The following TSPAN3 variants were observed in gnomAD, a reference collection of about 807,000 sequenced individuals.
TSPAN3 encodes the protein tetraspanin 3, also known as tetraspanin-3.
A neutral mutation model predicts 31.1 loss-of-function variants in TSPAN3; 9 were observed. The observed-to-expected ratio is 0.29, with a 90% CI of 0.17 to 0.50. TSPAN3 has a LOEUF of 0.50. Ranked by LOEUF, TSPAN3 falls within the 20% of genes least tolerant of loss-of-function variation. The pLI, the probability that TSPAN3 is intolerant of heterozygous loss-of-function variation, is 0.98. For missense variants in TSPAN3, 252 were observed against 313.5 expected (o/e 0.80, Z 1.48); for synonymous variants, 129 against 114.3 (o/e 1.13, Z -0.82).
chr15:77,046,536 A>G lies in TSPAN3; in HGVS notation c.*299T>C. 2.2e-6 allele frequency: 1 copy of G among 456,148 alleles called. No individual in the cohort carries two copies. The highest frequency in any genetic ancestry group is 3.2e-5 in the East Asian group (1 of 30,982). The allele number at this position is 456,148 out of a possible 1,614,324, so 28.3% of individuals were successfully genotyped here. On this transcript the variant is annotated 3_prime_UTR_variant, in exon 7 of 7. Coordinates refer to ENST00000267970, the MANE Select transcript of TSPAN3 (RefSeq NM_005724.6). ...CCTGTTACCACTTGGAGGTAACAGA[A>G]GCAGGCTCGTGTCCTCCTTTAATTC...
chr15:77,057,908 G>A (rs946406400), intron 1 of TSPAN3, among the ~76,000 whole-genome samples: 2 of 152,028 alleles, frequency 1.3e-5, no homozygotes, highest in African/African-American at 4.8e-5. Flanking sequence ...AACCCTTTCT[G>A]CCTTCCTGCC....
rs370489099 is a variant in TSPAN3, at chr15:77,056,259, T to C, written c.64-4A>G. On this transcript the variant is annotated splice_polypyrimidine_tract_variant and splice_region_variant and intron_variant, in intron 1 of 6. Coordinates refer to ENST00000267970, the MANE Select transcript of TSPAN3 (RefSeq NM_005724.6). ...AGCATAAAATGCCAGCTGCCCCCTGTAGAAAACAAAGTCAGTACTGGTCTC... is the reference window on the plus strand; with the variant it reads ...AGCATAAAATGCCAGCTGCCCCCTGCAGAAAACAAAGTCAGTACTGGTCTC... 1.3e-6 allele frequency: 2 copies of C among 1,590,580 alleles called. No homozygotes were observed. The highest frequency in any genetic ancestry group is 1.4e-5 in the African/African-American group (1 of 73,582).
In TSPAN3 at chr15:77,044,202, A is replaced by AAG. The variant is rs1045819184; in HGVS notation, c.*2631_*2632dup. Reference sequence around the variant, plus strand: ...GGGACCCAGGCATCTGTAGTTCTCAAAGTGCCCCGGTGCTTCCAATGTGCA... The same window carrying AAG: ...GGGACCCAGGCATCTGTAGTTCTCAAAGAGTGCCCCGGTGCTTCCAATGTGCA... On this transcript the variant is annotated 3_prime_UTR_variant, in exon 7 of 7. Transcript: ENST00000267970. The AAG allele has an allele frequency of 3.9e-5, 6 of 152,212 alleles. No individual in the cohort carries two copies. The highest frequency in any genetic ancestry group is 1.4e-4 in the African/African-American group (6 of 41,440). The allele number at this position is 152,212 out of a possible 1,614,324, so 9.4% of individuals were successfully genotyped here.
rs1008360408 is a variant in TSPAN3 at position 77,041,995 on chromosome 15, C to A, written c.*4840G>T. The A allele has an allele frequency of 6.6e-6, 1 of 152,210 alleles. No individual in the cohort carries two copies. 9.4% of individuals were successfully genotyped at this position (152,210 alleles called of 1,614,324 possible). A position where few individuals can be genotyped will look rare whatever the true frequency, so the allele number is the denominator to read the frequency against. ...GCAGCCTGCAGGCCTGCCCTTTATACACCTTGGTTAATCATGGTACTAATG... is the reference window on the plus strand; with the variant it reads ...GCAGCCTGCAGGCCTGCCCTTTATAAACCTTGGTTAATCATGGTACTAATG... On this transcript the variant is annotated 3_prime_UTR_variant, in exon 7 of 7. Transcript: ENST00000267970.
intron 6 of TSPAN3, among the ~76,000 whole-genome samples, chr15:77,050,399 A>C (rs2076722849): frequency 1.3e-5 from 2 of 152,230 alleles, no homozygotes; most frequent in Admixed American, 1.3e-4. Context: ...TACTTAAGTC[A>C]GGGTGACTTA....
chr15:77,066,679 T>G (rs1214881246), intron 1 of TSPAN3, among the ~76,000 whole-genome samples: 2 of 150,792 alleles, frequency 1.3e-5, no homozygotes, highest in Non-Finnish European at 2.9e-5. Context: ...ATGAATACAC[T>G]TATATTTAAA....
chr15:77,064,084 C>T (rs540627972), intron 1 of TSPAN3: 1 of 152,180 alleles, frequency 6.6e-6, no homozygotes, highest in Non-Finnish European at 1.5e-5. Context: ...TAGTAGATTA[C>T]AAACTACACA....
At chr15:77,052,554 G>A (rs2076739109) in intron 5 of TSPAN3, 86 bp from the exon 6 acceptor site, 3 of 1,335,332 alleles carry the variant, frequency 2.2e-6, no homozygotes, top group Non-Finnish European at 3.2e-6. Context: ...CTTACAGAAA[G>A]GAAAATGACA....
At position 77,042,373 on chromosome 15, in the gene TSPAN3, C is replaced by T. The variant is rs2076664896; in HGVS notation, c.*4462G>A. ...ACAAGAAGCAAAGACACCCCAGCTG[C>T]AATAAGCACACCTAGTGCCAGGGAC... On this transcript the variant is annotated 3_prime_UTR_variant, in exon 7 of 7. Coordinates refer to ENST00000267970, the MANE Select transcript of TSPAN3 (RefSeq NM_005724.6). 6.6e-6 allele frequency: 1 copy of T among 152,214 alleles called. No individual in the cohort carries two copies. The highest frequency in any genetic ancestry group is 2.4e-5 in the African/African-American group (1 of 41,446). The allele number at this position is 152,214 out of a possible 1,614,324, so 9.4% of individuals were successfully genotyped here. A position where few individuals can be genotyped will look rare whatever the true frequency, so the allele number is the denominator to read the frequency against.
intron 6 of TSPAN3, among the ~76,000 whole-genome samples, chr15:77,052,027 G>T (rs1199809671): frequency 6.6e-6 from 1 of 152,142 alleles, no homozygotes; most frequent in East Asian, 1.9e-4. Context: ...CTGAAAGAAA[G>T]AAGTACAATT....
In TSPAN3 at chr15:77,042,327, G is replaced by C. The variant is rs992267751; in HGVS notation, c.*4508C>G. 3.9e-5 allele frequency: 6 copies of C among 152,176 alleles called. No individual in the cohort carries two copies. The highest frequency in any genetic ancestry group is 1.2e-4 in the African/African-American group (5 of 41,434). The allele number at this position is 152,176 out of a possible 1,614,324, so 9.4% of individuals were successfully genotyped here. ...ACACTTAAAAAAGGCAGTAAGACAA[G>C]CTCTGTCAATCATCTATAGGACAAG... On this transcript the variant is annotated 3_prime_UTR_variant, in exon 7 of 7. Transcript: ENST00000267970.
chr15:77,052,883 T>C lies in TSPAN3; in HGVS notation c.479A>G (p.Asp160Gly). Residue 160 changes from aspartate to glycine, a missense_variant, in exon 5 of 7, where the codon GAT becomes GGT. By Grantham distance (94) the Asp-to-Gly change is moderately conservative. Coordinates refer to ENST00000267970, the MANE Select transcript of TSPAN3 (RefSeq NM_005724.6). ...IHNYSDWENTDWFKETKNQSV... is the reference protein window; with the variant it reads ...IHNYSDWENTGWFKETKNQSV... Reference sequence around the variant, plus strand: ...CTGGTTTTTGGTTTCTTTGAACCAATCTGTATTTTCCCAGTCTGAGTAGTT... The same window carrying C: ...CTGGTTTTTGGTTTCTTTGAACCAACCTGTATTTTCCCAGTCTGAGTAGTT... 6.2e-7 allele frequency: 1 copy of C among 1,614,096 alleles called. No homozygotes were observed. The highest frequency in any genetic ancestry group is 8.5e-7 in the Non-Finnish European group (1 of 1,179,956).
chr15:77,047,229 G>A (rs912384411), intron 6 of TSPAN3, among the ~76,000 whole-genome samples: 3 of 152,192 alleles, frequency 2.0e-5, no homozygotes, highest in African/African-American at 7.2e-5. Flanking sequence ...CTGCAGCGAT[G>A]GAGACATACC....
At position 77,052,472 on chromosome 15, in the gene TSPAN3, T is replaced by C. The variant is rs1417281529; in HGVS notation, c.586-4A>G. 1.1e-5 allele frequency: 18 copies of C among 1,613,212 alleles called. No homozygotes were observed. Among genetic ancestry groups the C allele is most frequent in the Non-Finnish European group, 1.5e-5 (18 of 1,179,138 alleles). The stretch of plus-strand genomic sequence containing the variant: ...TCACTACTAGAGCCTCACACCCCTG[T>C]AACAAACACAGTCATCCTCGTTAGA... On this transcript the variant is annotated splice_region_variant and splice_polypyrimidine_tract_variant and intron_variant, in intron 5 of 6. Coordinates refer to ENST00000267970, the MANE Select transcript of TSPAN3 (RefSeq NM_005724.6).
chr15:77,062,987 A>G (rs2076809318), intron 1 of TSPAN3, among the ~76,000 whole-genome samples: 1 of 152,248 alleles, frequency 6.6e-6, no homozygotes, highest in Non-Finnish European at 1.5e-5. Context: ...GCTTTTTAAA[A>G]TACTTTTAGT....
Position 77,070,932 on chromosome 15 carries a change from G to A in TSPAN3, c.23C>T (p.Ser8Phe). ...GAGAAAGACCAGCACGGTCTTGGAG[G>A]AGGTGATGCCGCACTGGCCCATGGC... Reference protein sequence around the residue: MGQCGITSSKTVLVFLNL... With the variant: MGQCGITFSKTVLVFLNL... The change falls in exon 1 of 7, where the codon TCC becomes TTC. Residue 8 changes from serine to phenylalanine, a missense_variant. Ser to Phe is a radical substitution (Grantham distance 155). Transcript: ENST00000267970. The A allele has an allele frequency of 6.9e-7, 1 of 1,446,814 alleles. No homozygotes were observed. Among genetic ancestry groups the A allele is most frequent in the South Asian group, 1.4e-5 (1 of 73,968 alleles). 89.6% of individuals were successfully genotyped at this position (1,446,814 alleles called of 1,614,324 possible).
chr15:77,058,564 G>A (rs1052066689), intron 1 of TSPAN3, among the ~76,000 whole-genome samples: 2 of 152,146 alleles, frequency 1.3e-5, no homozygotes, highest in Admixed American at 6.6e-5. Context: ...AATATTTATC[G>A]AAACGGTTGC....
chr15:77,055,870 G>A lies in TSPAN3; in HGVS notation c.256-7C>T. On this transcript the variant is annotated splice_region_variant and splice_polypyrimidine_tract_variant and intron_variant, in intron 2 of 6. Transcript: ENST00000267970. ...AGAGCAGGATGATGACAAACTGTAA[G>A]AAAACATGGTTTAAAATTATATACA... 3.1e-6 allele frequency: 5 copies of A among 1,600,374 alleles called. No individual in the cohort carries two copies. Among genetic ancestry groups the A allele is most frequent in the Non-Finnish European group, 4.2e-6 (5 of 1,176,592 alleles).
At chr15:77,059,554 G>A (rs2076788484) in intron 1 of TSPAN3, among the ~76,000 whole-genome samples, 1 of 152,170 alleles carries the variant, frequency 6.6e-6, no homozygotes, top group African/African-American at 2.4e-5. Flanking sequence ...TAAATTAGAA[G>A]CAATCTGAAG....
Sources: allele counts gnomAD v4.1 joint callset (sites outside exome capture counted in the v4.1 genomes callset), GRCh38; gene constraint gnomAD v4.1.1; transcripts MANE v1.5; gene names NCBI Gene and HGNC (gene_info 2026-07-23, HGNC 2026-07-21).